Variants in STK3 observed in about 807,000 individuals in gnomAD.
The protein encoded by STK3 is serine/threonine-protein kinase 3.
A neutral mutation model predicts 58.0 loss-of-function variants in STK3; 41 were observed. The observed-to-expected ratio is 0.71, with a 90% confidence interval of 0.55 to 0.92. The LOEUF is 0.92. STK3 is among the 40% of genes least tolerant of loss of function. STK3 has a pLI of 0.00. For missense variants in STK3, 479 were observed against 602.7 expected, an observed-to-expected ratio of 0.79 and a Z score of 2.15; for synonymous variants, 170 against 191.0, an observed-to-expected ratio of 0.89 and a Z score of 0.91.
At chr8:98,427,871 G>T (rs933817931) in intron 3 of STK3, 15 of 885,264 alleles carry the variant, frequency 1.7e-5, no homozygotes, top group Non-Finnish European at 2.4e-5. Context: ...CGCCAGTAAT[G>T]GGTAGGGAGA....
intron 8 of STK3, among the ~76,000 whole-genome samples, chr8:98,557,419 T>C (rs986751238): frequency 8.5e-5 from 13 of 152,102 alleles, no homozygotes; most frequent in Non-Finnish European, 1.5e-5. Flanking sequence ...TGGTAAAGGA[T>C]AGCAGTTATC....
intron 8 of STK3, among the ~76,000 whole-genome samples, chr8:98,575,857 T>G (rs1475438406): frequency 3.3e-5 from 5 of 152,214 alleles, no homozygotes; most frequent in African/African-American, 1.2e-4. Flanking sequence ...TTTCACTTCT[T>G]GATAATTTAT....
intron 6 of STK3, among the ~76,000 whole-genome samples, chr8:98,613,394 A>T (rs1357041674): frequency 2.0e-5 from 3 of 152,250 alleles, no homozygotes; most frequent in Admixed American, 6.5e-5. Flanking sequence ...CACCAAAAAA[A>T]GACATGTCAG....
intron 10 of STK3, among the ~76,000 whole-genome samples, chr8:98,472,260 A>T (rs1379541557): frequency 5.9e-5 from 9 of 152,202 alleles, no homozygotes; most frequent in South Asian, 2.1e-4. Flanking sequence ...CCCATAATAA[A>T]TTTTTCCAAA....
downstream of STK3, chr8:98,879,452 C>T (rs1489453991): frequency 6.6e-6 from 1 of 152,154 alleles, no homozygotes; most frequent in East Asian, 1.9e-4. Context: ...CTAGGATATC[C>T]ATATCAATTT....
chr8:98,860,083 G>A (rs1836870437), intron 3 of STK3, among the ~76,000 whole-genome samples: 1 of 152,266 alleles, frequency 6.6e-6, no homozygotes, highest in South Asian at 2.1e-4. Flanking sequence ...ATTCATTCAT[G>A]TATTAATCAA....
chr8:98,873,391 C>T (rs1403061911), intron 3 of STK3, among the ~76,000 whole-genome samples: 2 of 152,130 alleles, frequency 1.3e-5, no homozygotes, highest in African/African-American at 4.8e-5. Context: ...TCCTGGATAT[C>T]CTTGTCAACT....
chr8:98,808,637 A>G (rs2131664991), intron 1 of STK3, among the ~76,000 whole-genome samples: 1 of 152,308 alleles, frequency 6.6e-6, no homozygotes, highest in African/African-American at 2.4e-5. Context: ...TGCAACAATT[A>G]CTGTTATCCA....
At chr8:98,573,827 T>A (rs1012475811) in intron 8 of STK3, among the ~76,000 whole-genome samples, 13 of 152,220 alleles carry the variant, frequency 8.5e-5, no homozygotes, top group African/African-American at 2.9e-4. Context: ...AAAGGAGACT[T>A]AATTGACTCA....
chr8:98,788,968 A>C (rs192376062), intron 1 of STK3, among the ~76,000 whole-genome samples: 3 of 152,372 alleles, frequency 2.0e-5, no homozygotes, highest in African/African-American at 7.2e-5. Context: ...CATTCTATTC[A>C]ACAGCACATG....
At chr8:98,846,581 C>G (rs1165189582) in intron 3 of STK3, among the ~76,000 whole-genome samples, 1 of 152,158 alleles carries the variant, frequency 6.6e-6, no homozygotes, top group Non-Finnish European at 1.5e-5. Flanking sequence ...AAAATGGCAG[C>G]AAAACTAGTT....
intron 10 of STK3, among the ~76,000 whole-genome samples, chr8:98,484,679 TAAAGA>T (rs1400440453): frequency 1.3e-5 from 2 of 151,996 alleles, no homozygotes; most frequent in African/African-American, 2.4e-5. Context: ...AAAGTAAATA[TAAAGA>T]AAACACTGGA....
At chr8:98,766,949 C>T (rs1044200161) in intron 3 of STK3, among the ~76,000 whole-genome samples, 1 of 151,964 alleles carries the variant, frequency 6.6e-6, no homozygotes, top group Non-Finnish European at 1.5e-5. Context: ...ATGGAGAAAC[C>T]CATCTCTACT....
At chr8:98,589,515 G>A (rs940346377) in intron 7 of STK3, among the ~76,000 whole-genome samples, 1 of 152,102 alleles carries the variant, frequency 6.6e-6, no homozygotes, top group Admixed American at 6.5e-5. Context: ...GTCAGACAGG[G>A]ACATTTAAGT....
Position 98,548,056 on chromosome 8 carries a change from C to T in STK3, c.1054G>A (p.Glu352Lys). The T allele has an allele frequency of 6.2e-7, 1 of 1,610,688 alleles. No individual in the cohort carries two copies. The highest frequency in any genetic ancestry group is 8.5e-7 in the Non-Finnish European group (1 of 1,178,462). Residue 352 changes from glutamate to lysine, a missense_variant, in exon 9 of 11, where the codon GAA (glutamate) becomes AAA (lysine). Glu to Lys is a moderately conservative substitution (Grantham distance 56). Around this residue, in one of 3 missense-constraint regions of STK3, gnomAD observed 309 missense variants for 355.7 expected, o/e 0.87. Transcript: ENST00000419617. The part of the protein sequence containing the change: ...TMSEGAQTMI[E>K]HNSTMLESDL... The stretch of plus-strand genomic sequence containing the variant: ...GATTCCAACATCGTGCTATTATGTT[C>T]AATCATGGTCTGGGCCCCTTCACTC...
rs542272764 is a variant in STK3 at position 98,630,148 on chromosome 8, C to T, written c.685-33979G>A. ...GTGCTTCCCTATGAGCACTATGTGG[C>T]GTGGCATATATGCCACCCTGTCTGA... On this transcript the variant is annotated intron_variant, in intron 6 of 10. Transcript: ENST00000419617. Among the ~76,000 whole-genome samples the T allele has an allele frequency of 4.6e-5, 7 of 152,310 alleles. No homozygotes were observed. The South Asian group carries it at 8.3e-4, about 18-fold the overall frequency.
chr8:98,883,570 C>A, downstream of STK3: 1 of 645,758 alleles, frequency 1.5e-6, no homozygotes, highest in Non-Finnish European at 2.8e-6. Context: ...ATTTTAAGGA[C>A]AATAAACATC....
intron 3 of STK3, chr8:98,413,264 C>T (rs982520273): frequency 1.6e-5 from 6 of 375,196 alleles, no homozygotes; most frequent in African/African-American, 6.3e-5. Flanking sequence ...ATCCACCTGC[C>T]TTGGCTTCCC....
At chr8:98,712,913 A>T (rs1282763606) in intron 4 of STK3, among the ~76,000 whole-genome samples, 2 of 152,344 alleles carry the variant, frequency 1.3e-5, no homozygotes, top group Non-Finnish European at 2.9e-5. Context: ...ATGTAAAAGA[A>T]CAGAAATTAT....
Sources: gnomAD v4.1 joint callset for allele counts (sites outside exome capture counted in the v4.1 genomes callset) on GRCh38, gnomAD v4.1.1 for gene constraint, gnomAD v4.1.1 regional missense constraint, MANE v1.5 for transcripts, NCBI Gene and HGNC (gene_info 2026-07-23, HGNC 2026-07-21) for gene names.